SSBP3: variants seen among roughly 807,000 people sequenced by gnomAD.
SSBP3 encodes the protein single-stranded DNA-binding protein 3.
SSBP3 carries 5 observed loss-of-function variants against 69.6 expected under a neutral mutation model. The observed-to-expected ratio is 0.07, with a 90% confidence interval of 0.04 to 0.15. The LOEUF is 0.15. Among genes scored for constraint, SSBP3 ranks in the 10% least tolerant of loss-of-function variants. SSBP3 has a pLI of 1.00. For synonymous variants in SSBP3, 196 were observed against 193.4 expected (o/e 1.01, Z -0.11); for missense variants, 312 against 534.0 (o/e 0.58, Z 4.10).
chr1:54,320,351 A>G (rs961172375), intron 4 of SSBP3, among the ~76,000 whole-genome samples: 2 of 152,122 alleles, frequency 1.3e-5, no homozygotes, highest in Non-Finnish European at 2.9e-5. Context: ...TTTGAGACAG[A>G]GTCTTACTCT....
At chr1:54,392,187 G>T (rs567786618) in intron 4 of SSBP3, among the ~76,000 whole-genome samples, 1 of 152,056 alleles carries the variant, frequency 6.6e-6, no homozygotes, top group Admixed American at 6.6e-5. Flanking sequence ...CCAAGTGCCC[G>T]CCAGGCACCA....
At chr1:54,254,551 C>T (rs1207385060) in intron 7 of SSBP3, among the ~76,000 whole-genome samples, 1 of 152,206 alleles carries the variant, frequency 6.6e-6, no homozygotes, top group Non-Finnish European at 1.5e-5. Flanking sequence ...CTTCTTGTTT[C>T]CCTAAGGGCC....
exon 1 of SSBP3, chr1:54,406,110 GCGCTCGCTCGCTCTCT>G (rs900645912): frequency 7.5e-5 from 70 of 930,178 alleles, no homozygotes; most frequent in African/African-American, 1.3e-4. Flanking sequence ...CCCCTCCCCG[GCGCTCGCTCGCTCTCT>G]CGCTCGCTGG....
chr1:54,225,435 G>A (rs1030065168), exon 18 of SSBP3: 9 of 1,230,250 alleles, frequency 7.3e-6, no homozygotes, highest in South Asian at 8.2e-5. Context: ...GAAGGGCTGC[G>A]GAAAAAAGAT....
At chr1:54,352,405 C>G (rs1646794654) in intron 4 of SSBP3, among the ~76,000 whole-genome samples, 1 of 152,146 alleles carries the variant, frequency 6.6e-6, no homozygotes, top group Non-Finnish European at 1.5e-5. Flanking sequence ...GGTAAGGTGG[C>G]TTCTTCAAGT....
intron 4 of SSBP3, among the ~76,000 whole-genome samples, chr1:54,316,173 C>G (rs971428157): frequency 3.4e-5 from 5 of 148,972 alleles, no homozygotes; most frequent in African/African-American, 1.2e-4. Context: ...AGTGAAACCC[C>G]AACTCTATTA....
At chr1:54,239,290 T>TTTAGG in intron 13 of SSBP3, 91 bp from the exon 14 acceptor site, 1 of 1,047,940 alleles carries the variant, frequency 9.5e-7, no homozygotes, top group Non-Finnish European at 1.4e-6. Context: ...TCTTTTGTAT[T>TTTAGG]TTATAACCTA....
intron 4 of SSBP3, among the ~76,000 whole-genome samples, chr1:54,370,426 T>A (rs1461845915): frequency 6.6e-6 from 1 of 152,198 alleles, no homozygotes; most frequent in African/African-American, 2.4e-5. Flanking sequence ...GAAAAAGAGT[T>A]ACCGTGATCA....
intron 4 of SSBP3, among the ~76,000 whole-genome samples, chr1:54,398,925 CAGA>C: frequency 6.6e-6 from 1 of 152,270 alleles, no homozygotes; most frequent in Admixed American, 6.5e-5. Flanking sequence ...TGATAGAAAA[CAGA>C]AGGTCAGTCA....
At chr1:54,372,791 T>C (rs1647156054) in intron 4 of SSBP3, among the ~76,000 whole-genome samples, 1 of 152,144 alleles carries the variant, frequency 6.6e-6, no homozygotes, top group Admixed American at 6.5e-5. Context: ...GTCCCCTCTT[T>C]TATGAATGGA....
At chr1:54,231,506 C>T (rs949979367) in intron 14 of SSBP3, among the ~76,000 whole-genome samples, 3 of 152,172 alleles carry the variant, frequency 2.0e-5, no homozygotes, top group African/African-American at 7.2e-5. Flanking sequence ...CTTTGAAGCA[C>T]AAATCTTAAT....
chr1:54,327,223 AGGAAGGAAGG>A (rs1646323135), intron 4 of SSBP3, among the ~76,000 whole-genome samples: 1 of 81,702 alleles, frequency 1.2e-5, no homozygotes, highest in Non-Finnish European at 2.9e-5. Context: ...GGGAAAAGGA[AGGAAGGAAGG>A]AAGGAAGGAA....
chr1:54,250,460 G>T (rs140370966), intron 9 of SSBP3, among the ~76,000 whole-genome samples: 125 of 150,854 alleles, frequency 8.3e-4, no homozygotes, highest in African/African-American at 2.8e-3. Flanking sequence ...TCTGTGGGGC[G>T]GATTCTGGGA....
At chr1:54,389,827 C>T (rs968808494) in intron 4 of SSBP3, among the ~76,000 whole-genome samples, 9 of 151,726 alleles carry the variant, frequency 5.9e-5, no homozygotes, top group Non-Finnish European at 1.3e-4. Flanking sequence ...TGCAGTGAGC[C>T]GAGATCATGC....
chr1:54,232,706 C>T (rs1224723281), intron 14 of SSBP3, among the ~76,000 whole-genome samples: 2 of 151,744 alleles, frequency 1.3e-5, no homozygotes, highest in African/African-American at 4.8e-5. Flanking sequence ...GATTCTCCTG[C>T]CTCAGCCTGC....
At chr1:54,279,479 T>C (rs1205555106) in intron 5 of SSBP3, among the ~76,000 whole-genome samples, 1 of 152,238 alleles carries the variant, frequency 6.6e-6, no homozygotes, top group Non-Finnish European at 1.5e-5. Context: ...AATGGCCTAT[T>C]TTTAAAACAT....
intron 4 of SSBP3, among the ~76,000 whole-genome samples, chr1:54,368,288 CAAAAAAAAAA>C (rs57721486): frequency 4.3e-5 from 3 of 69,044 alleles, no homozygotes; most frequent in African/African-American, 1.0e-4. Flanking sequence ...GACTCCATCT[CAAAAAAAAAA>C]AAAAAAAAAA....
intron 4 of SSBP3, among the ~76,000 whole-genome samples, chr1:54,302,681 G>A (rs1459566820): frequency 1.3e-5 from 2 of 152,274 alleles, no homozygotes; most frequent in East Asian, 3.9e-4. Context: ...AACATTTGTT[G>A]AGCAAAGGAA....
At chr1:54,386,987 C>T (rs1229077164) in intron 4 of SSBP3, among the ~76,000 whole-genome samples, 11 of 152,126 alleles carry the variant, frequency 7.2e-5, no homozygotes, top group Non-Finnish European at 1.5e-4. Flanking sequence ...ACCCTCCACA[C>T]CGGGGCACCT....
Sources: gnomAD v4.1 joint callset for allele counts (sites outside exome capture counted in the v4.1 genomes callset) on GRCh38, gnomAD v4.1.1 for gene constraint, MANE v1.5 for transcripts, NCBI Gene and HGNC (gene_info 2026-07-23, HGNC 2026-07-21) for gene names.